The following CRNKL1 variants were observed in gnomAD, a reference collection of about 807,000 sequenced individuals.
CRNKL1 encodes crooked neck-like protein 1.
CRNKL1 carries 35 observed loss-of-function variants against 103.7 expected under a neutral mutation model. The observed-to-expected ratio is 0.34, with a 90% CI of 0.26 to 0.45. The LOEUF is 0.45. CRNKL1 is among the 20% of genes least tolerant of loss of function. The pLI is 1.00. For missense variants in CRNKL1, 645 were observed against 836.0 expected (o/e 0.77, Z 2.82); for synonymous variants, 267 against 282.6 (o/e 0.94, Z 0.55).
chr20:20,051,508 A>T (rs560632161), intron 1 of CRNKL1, among the ~76,000 whole-genome samples: 1 of 152,234 alleles, frequency 6.6e-6, no homozygotes, highest in African/African-American at 2.4e-5. Context: ...CATGTGGAGT[A>T]ATGATGATAA....
intron 4 of CRNKL1, 67 bp from the exon 5 acceptor site, chr20:20,047,998 T>A (rs768059660): frequency 6.0e-6 from 9 of 1,503,090 alleles, no homozygotes; most frequent in Middle Eastern, 1.8e-4. Context: ...GGGAAGAAGA[T>A]TGAAGATTTT....
chr20:20,045,245 C>A, intron 6 of CRNKL1, 63 bp downstream of exon 6: 1 of 1,366,058 alleles, frequency 7.3e-7, no homozygotes, highest in East Asian at 2.4e-5. Flanking sequence ...AATGAACTCA[C>A]CATGCACAAA....
intron 7 of CRNKL1, 120 bp downstream of exon 7, chr20:20,043,372 C>A: frequency 1.0e-6 from 1 of 963,450 alleles, no homozygotes; most frequent in South Asian, 1.8e-5. Context: ...GGATCACGGG[C>A]ACATCATCAC....
chr20:20,043,531 A>G lies in CRNKL1; in HGVS notation c.933T>C (p.Ile311=), dbSNP rs1278081467. The G allele has an allele frequency of 1.2e-6, 2 of 1,614,090 alleles. No individual in the cohort carries two copies. Among genetic ancestry groups the G allele is most frequent in the Admixed American group, 3.3e-5 (2 of 59,988 alleles). ...CGTACTGGAATCTCCGTTTGCTCAC[A>G]ATGATATCTTCAATACCCCGCCTAT... is the stretch of plus-strand genomic sequence containing the variant. ...FGDRRGIEDI[I]VSKRRFQYEE... is the part of the protein sequence containing the mutation. Residue 311 remains isoleucine, a synonymous_variant, in exon 7 of 14, where the codon ATT becomes ATC. Transcript: ENST00000536226.
Position 20,048,594 on chromosome 20 carries a change from T to C in CRNKL1, c.297-93A>G, listed in dbSNP as rs149752712. 2.0e-4 allele frequency: 263 copies of C among 1,328,608 alleles called. 1 individual carries two copies. Among genetic ancestry groups the C allele is most frequent in the East Asian group, 1.3e-3 (53 of 41,350 alleles). 82.3% of individuals were successfully genotyped at this position (1,328,608 alleles called of 1,614,324 possible). A position where few individuals can be genotyped will look rare whatever the true frequency, so the allele number is the denominator to read the frequency against. On this transcript the variant is annotated intron_variant, in intron 3 of 13. Transcript: ENST00000536226. ...TATCTGGAATGCACTGATGTTTTAT[T>C]AGGTGTCTACCATGAGCCAAGTTCT...
Position 20,039,929 on chromosome 20 carries a change from T to C in CRNKL1, c.1306-81A>G, listed in dbSNP as rs1033248253. ...GTTATTGCACTGCCCTAGAGGCTGTTCTCTGCTGAGGAAGAATCTTGCAAA... is the reference window on the plus strand; with the variant it reads ...GTTATTGCACTGCCCTAGAGGCTGTCCTCTGCTGAGGAAGAATCTTGCAAA... On this transcript the variant is annotated intron_variant, in intron 10 of 13. Transcript: ENST00000536226. The C allele has an allele frequency of 4.9e-6, 7 of 1,430,830 alleles. No individual in the cohort carries two copies. In the Admixed American group the frequency reaches 1.4e-4, roughly 28 times the overall value. The allele number at this position is 1,430,830 out of a possible 1,614,324, so 88.6% of individuals were successfully genotyped here.
At chr20:20,040,581 C>A in intron 10 of CRNKL1, 105 bp downstream of exon 10, 1 of 844,654 alleles carries the variant, frequency 1.2e-6, no homozygotes, top group Non-Finnish European at 1.9e-6. Context: ...AGGTATAATA[C>A]TTCTGTCACT....
Position 20,039,471 on chromosome 20 carries a change from C to T in CRNKL1, c.1545+138G>A, listed in dbSNP as rs1297512214. 3.8e-6 allele frequency: 4 copies of T among 1,049,524 alleles called. No homozygotes were observed. The African/African-American group carries it at 4.8e-5, about 13-fold the overall frequency. 65.0% of individuals were successfully genotyped at this position (1,049,524 alleles called of 1,614,324 possible). ...TCCCCCACAGCCACCTTTCCACGTA[C>T]AAGCCTAATCTGAGTAGAAGAGACT... On this transcript the variant is annotated intron_variant, in intron 11 of 13. Coordinates refer to ENST00000536226, the MANE Select transcript of CRNKL1 (RefSeq NM_001278628.2).
chr20:20,052,622 G>T (rs761193049), upstream of CRNKL1: 96 of 1,613,648 alleles, frequency 5.9e-5, 1 homozygote, highest in Middle Eastern at 1.7e-3. Flanking sequence ...TAGCAGCGAC[G>T]CAAGGACTGC....
intron 3 of CRNKL1, among the ~76,000 whole-genome samples, chr20:20,049,056 A>ACACT (rs540842588): frequency 0.16 from 23,936 of 152,102 alleles, 3,705 homozygotes; most frequent in East Asian, 0.6. Flanking sequence ...TTTAGCTGAA[A>ACACT]TTTGTAAAAA....
chr20:20,050,721 T>G, intron 1 of CRNKL1, 99 bp from the exon 2 acceptor site: 1 of 1,032,516 alleles, frequency 9.7e-7, no homozygotes. Flanking sequence ...TTGTTAGTAT[T>G]ATCACAAGAT....
In CRNKL1 at chr20:20,050,627, T is replaced by A. The variant is rs376221766; in HGVS notation, c.52-5A>T. The stretch of plus-strand genomic sequence containing the variant: ...AGCCGGGGCTTTGTTTTTCACCTTT[T>A]AAGAAAGAAGACATTTCTATTTTTA... On this transcript the variant is annotated splice_polypyrimidine_tract_variant and splice_region_variant and intron_variant, in intron 1 of 13. Transcript: ENST00000536226. 11 of 1,592,870 alleles carry A rather than the reference T, an allele frequency of 6.9e-6. No individual in the cohort carries two copies. The African/African-American group carries it at 1.5e-4, about 22-fold the overall frequency.
At chr20:20,043,711 C>G (rs766359546) in intron 6 of CRNKL1, 49 bp from the exon 7 acceptor site, 1 of 1,540,648 alleles carries the variant, frequency 6.5e-7, no homozygotes, top group Non-Finnish European at 8.9e-7. Flanking sequence ...ATTCTCATGC[C>G]AGTCACAACT....
At chr20:20,052,172 C>T (rs2043768598) in intron 1 of CRNKL1, 120 bp downstream of exon 1, 3 of 863,510 alleles carry the variant, frequency 3.5e-6, no homozygotes, top group South Asian at 1.8e-5. Context: ...CCTTCCTCTC[C>T]ATCTCTCAGG....
chr20:20,048,194 A>C (rs1307861360), intron 4 of CRNKL1, 149 bp downstream of exon 4: 1 of 973,928 alleles, frequency 1.0e-6, no homozygotes, highest in Non-Finnish European at 1.5e-6. Flanking sequence ...TACGATTATG[A>C]CTTAATAGAC....
chr20:20,044,889 T>G (rs2043570800), intron 6 of CRNKL1, among the ~76,000 whole-genome samples: 1 of 152,098 alleles, frequency 6.6e-6, no homozygotes, highest in African/African-American at 2.4e-5. Context: ...TTTGAGCTAT[T>G]TTCATAGGTA....
chr20:20,036,543 G>A lies in CRNKL1; in HGVS notation c.1897-181C>T, dbSNP rs544079962. 2.0e-5 allele frequency among the ~76,000 whole-genome samples: 3 copies of A among 152,320 alleles called. No homozygotes were observed. The East Asian group carries it at 5.8e-4, about 29-fold the overall frequency. Reference sequence around the variant, plus strand: ...TGGGAGTGAGTAAGCAGCAACTGTAGCTCAGTGAGAACTAAACTGGTAGAA... The same window carrying A: ...TGGGAGTGAGTAAGCAGCAACTGTAACTCAGTGAGAACTAAACTGGTAGAA... On this transcript the variant is annotated intron_variant, in intron 13 of 13. Transcript: ENST00000536226.
upstream of CRNKL1, among the ~76,000 whole-genome samples, chr20:20,055,447 A>T (rs1375339043): frequency 2.0e-5 from 3 of 152,178 alleles, no homozygotes; most frequent in East Asian, 5.8e-4. Flanking sequence ...CGAGGGGCCC[A>T]TCCAAAGTCC....
Position 20,040,688 on chromosome 20 carries a change from A to G in CRNKL1, c.1303T>C (p.Leu435=), listed in dbSNP as rs946645857. The part of the protein sequence containing the change: ...QKNLSLARRA[L]GTSIGKCPKN... ...ATCTTGATCCTTTCTTTACTTACCA[A>G]TGCTCTTCTGGCTAATGACAGATTC... The change falls in exon 10 of 14, where the codon TTG becomes CTG. Residue 435 remains leucine (L), a splice_region_variant and synonymous_variant. Coordinates refer to ENST00000536226, the MANE Select transcript of CRNKL1 (RefSeq NM_001278628.2). 3 of 1,606,654 alleles carry G rather than the reference A, an allele frequency of 1.9e-6. No individual in the cohort carries two copies. In the African/African-American group the frequency reaches 4.0e-5, roughly 21 times the overall value.
Sources: allele counts gnomAD v4.1 joint callset (sites outside exome capture counted in the v4.1 genomes callset), GRCh38; gene constraint gnomAD v4.1.1; transcripts MANE v1.5; gene names NCBI Gene and HGNC (gene_info 2026-07-23, HGNC 2026-07-21).